Variants in CDADC1 observed in about 807,000 individuals in gnomAD.
CDADC1 encodes the protein dCTP deaminase.
CDADC1 carries 39 observed loss-of-function variants against 54.9 expected under a neutral mutation model. The observed-to-expected ratio is 0.71, with a 90% CI of 0.55 to 0.93. CDADC1 has a LOEUF of 0.93. Ranked by LOEUF, CDADC1 falls within the 40% of genes least tolerant of loss-of-function variation. The probability of loss-of-function intolerance (pLI) is 0.00; values close to 1 mark genes in which losing one functional copy is unlikely to be tolerated. For missense variants in CDADC1, 518 were observed against 618.8 expected (o/e 0.84, Z 1.73); for synonymous variants, 186 against 204.0 (o/e 0.91, Z 0.75).
At chr13:49,277,259 C>T (rs1442847075) in intron 6 of CDADC1, among the ~76,000 whole-genome samples, 1 of 151,782 alleles carries the variant, frequency 6.6e-6, no homozygotes, top group African/African-American at 2.4e-5. Flanking sequence ...TTCCTTGAGC[C>T]CAGGAGTCCA....
intron 7 of CDADC1, 64 bp downstream of exon 7, chr13:49,278,583 T>C: frequency 8.9e-7 from 1 of 1,123,322 alleles, no homozygotes; most frequent in African/African-American, 1.6e-5. Flanking sequence ...AAATTAATTT[T>C]CTTATAATTG....
intron 8 of CDADC1, among the ~76,000 whole-genome samples, chr13:49,280,902 C>T (rs995338357): frequency 6.6e-6 from 1 of 151,406 alleles, no homozygotes; most frequent in Non-Finnish European, 1.5e-5. Flanking sequence ...GGCTCGATCT[C>T]GGCTCACTGC....
intron 3 of CDADC1, 62 bp from the exon 4 acceptor site, chr13:49,259,284 A>T: frequency 1.8e-6 from 2 of 1,114,418 alleles, no homozygotes; most frequent in Non-Finnish European, 2.6e-6. Flanking sequence ...ATTCAAGTAT[A>T]ATCCATAATA....
intron 4 of CDADC1, 99 bp downstream of exon 4, chr13:49,259,622 A>G: frequency 1.7e-6 from 2 of 1,184,704 alleles, no homozygotes; most frequent in Non-Finnish European, 2.4e-6. Context: ...AGGACAAGGC[A>G]GGAGGATCGC....
chr13:49,273,413 TC>T (rs1227743171), intron 5 of CDADC1, among the ~76,000 whole-genome samples: 1 of 152,230 alleles, frequency 6.6e-6, no homozygotes, highest in Non-Finnish European at 1.5e-5. Flanking sequence ...ACTATGGTTT[TC>T]ATAATTAGTG....
At position 49,280,496 on chromosome 13, in the gene CDADC1, AT is replaced by A. The variant is rs541137401; in HGVS notation, c.1221-5del. On this transcript the variant is annotated splice_polypyrimidine_tract_variant and intron_variant, in intron 7 of 9. Transcript: ENST00000251108. ...GAAACGACCTTTCTGATATTTTATA[AT>A]TTTTTTTGTAGGTGTCAAGAAATAA... 147 of 1,350,630 alleles carry A rather than the reference AT, an allele frequency of 1.1e-4. No individual in the cohort carries two copies. Among genetic ancestry groups the A allele is most frequent in the Middle Eastern group, 3.9e-4 (2 of 5,140 alleles). 83.7% of individuals were successfully genotyped at this position (1,350,630 alleles called of 1,614,324 possible).
At chr13:49,283,905 G>A (rs574653809) in intron 8 of CDADC1, among the ~76,000 whole-genome samples, 3 of 152,300 alleles carry the variant, frequency 2.0e-5, no homozygotes, top group Middle Eastern at 3.4e-3. Context: ...TTTTGTAAAT[G>A]CAAGTAATTA....
intron 9 of CDADC1, among the ~76,000 whole-genome samples, chr13:49,287,498 CT>C: frequency 6.6e-6 from 1 of 151,934 alleles, no homozygotes; most frequent in Non-Finnish European, 1.5e-5. Context: ...ATCTATCTAT[CT>C]ATCTATCTAT....
At chr13:49,256,028 T>C in intron 3 of CDADC1, 115 bp downstream of exon 3, 1 of 1,403,794 alleles carries the variant, frequency 7.1e-7, no homozygotes. Flanking sequence ...TAAAATACTC[T>C]TCTAAAAATG....
intron 5 of CDADC1, 68 bp downstream of exon 5, chr13:49,268,127 C>A: frequency 1.6e-6 from 2 of 1,235,980 alleles, no homozygotes; most frequent in Non-Finnish European, 2.3e-6. Flanking sequence ...GTGTTCGTCT[C>A]ATTTATGGTA....
At chr13:49,283,641 A>G (rs146590745) in intron 8 of CDADC1, among the ~76,000 whole-genome samples, 8 of 152,334 alleles carry the variant, frequency 5.3e-5, no homozygotes, top group African/African-American at 1.7e-4. Flanking sequence ...AGAGATCAGA[A>G]GAACTTAAGA....
In CDADC1 at chr13:49,286,263, T is replaced by C. The variant is rs757874124; in HGVS notation, c.1452T>C (p.Asn484=). Residue 484 remains asparagine (N), a synonymous_variant, in exon 9 of 10, where the codon AAT becomes AAC. Transcript: ENST00000251108. ...CAGGAGCTTATGGTCTTGAACAAAA[T>C]GAGCCTGAAAGGAGAGAAAGTAAGT... ...NPSGAYGLEQ[N]EPERRENGVL... is the part of the protein sequence containing the mutation. 6 of 1,613,422 alleles carry C rather than the reference T, an allele frequency of 3.7e-6. No individual in the cohort carries two copies. In the Admixed American group the frequency reaches 6.7e-5, roughly 18 times the overall value.
intron 5 of CDADC1, among the ~76,000 whole-genome samples, chr13:49,268,940 A>T (rs1952896167): frequency 6.6e-6 from 1 of 152,202 alleles, no homozygotes; most frequent in Non-Finnish European, 1.5e-5. Flanking sequence ...TTGTTATGAT[A>T]AAAGATGGCA....
At position 49,291,975 on chromosome 13, in the gene CDADC1, A is replaced by G. The variant is rs1159696454; in HGVS notation, c.*218A>G. 2 of 1,282,624 alleles carry G rather than the reference A, an allele frequency of 1.6e-6. No homozygotes were observed. Among genetic ancestry groups the G allele is most frequent in the South Asian group, 2.0e-5 (1 of 50,260 alleles). 79.5% of individuals were successfully genotyped at this position (1,282,624 alleles called of 1,614,324 possible). On this transcript the variant is annotated 3_prime_UTR_variant, in exon 10 of 10. Transcript: ENST00000251108. ...CCATAATGTAGTAGTGTGTTATTTTATTACACGAAATGAGGGAGCAATAAC... is the reference window on the plus strand; with the variant it reads ...CCATAATGTAGTAGTGTGTTATTTTGTTACACGAAATGAGGGAGCAATAAC...
At chr13:49,287,461 A>T (rs1280974875) in intron 9 of CDADC1, among the ~76,000 whole-genome samples, 2 of 148,304 alleles carry the variant, frequency 1.3e-5, no homozygotes, top group Admixed American at 6.8e-5. Flanking sequence ...TTAGCAAAAA[A>T]GGCTGTATCT....
intron 7 of CDADC1, 129 bp from the exon 8 acceptor site, chr13:49,280,377 TTGA>T (rs1953285617): frequency 4.7e-6 from 2 of 427,520 alleles, no homozygotes; most frequent in South Asian, 7.2e-5. Flanking sequence ...AGTCTAAGGC[TTGA>T]TGATCATTAT....
intron 8 of CDADC1, among the ~76,000 whole-genome samples, chr13:49,285,652 G>C (rs988263807): frequency 1.4e-4 from 21 of 152,098 alleles, no homozygotes; most frequent in African/African-American, 5.1e-4. Context: ...CCAATCCTCT[G>C]GTCTTCCACT....
intron 8 of CDADC1, among the ~76,000 whole-genome samples, chr13:49,283,876 T>C (rs931723612): frequency 6.6e-6 from 1 of 152,228 alleles, no homozygotes; most frequent in Non-Finnish European, 1.5e-5. Flanking sequence ...ATTATGTAGA[T>C]GGTTAGCTAG....
In CDADC1 at chr13:49,292,678, T is replaced by C; in HGVS notation, c.*921T>C. On this transcript the variant is annotated 3_prime_UTR_variant, in exon 10 of 10. Transcript: ENST00000251108. Reference sequence around the variant, plus strand: ...GTCTTGAAAGTATGGTCATTTCAGCTATTCCAGATTGCTGTCTGTGATTTC... The same window carrying C: ...GTCTTGAAAGTATGGTCATTTCAGCCATTCCAGATTGCTGTCTGTGATTTC... 1 of 1,233,670 alleles carries C rather than the reference T, an allele frequency of 8.1e-7. No homozygotes were observed. Among genetic ancestry groups the C allele is most frequent in the East Asian group, 5.8e-5 (1 of 17,348 alleles). 76.4% of individuals were successfully genotyped at this position (1,233,670 alleles called of 1,614,324 possible). A position where few individuals can be genotyped will look rare whatever the true frequency, so the allele number is the denominator to read the frequency against.
Sources: gnomAD v4.1 joint callset for allele counts (sites outside exome capture counted in the v4.1 genomes callset) on GRCh38, gnomAD v4.1.1 for gene constraint, MANE v1.5 for transcripts, NCBI Gene and HGNC (gene_info 2026-07-23, HGNC 2026-07-21) for gene names.